Variants in TAFA5 observed in about 807,000 individuals in gnomAD.
TAFA5 encodes the protein chemokine-like protein TAFA-5.
Under a neutral mutation model 15.3 loss-of-function variants are expected in TAFA5, and 6 were observed. The observed-to-expected ratio is 0.39, with a 90% CI of 0.21 to 0.77. The LOEUF is 0.77. TAFA5 is among the 30% of genes least tolerant of loss of function. TAFA5 has a pLI of 0.41. For missense variants in TAFA5, 161 were observed against 193.1 expected, an observed-to-expected ratio of 0.83 and a Z score of 0.98; for synonymous variants, 103 against 80.7, an observed-to-expected ratio of 1.28 and a Z score of -1.48.
intron 1 of TAFA5, among the ~76,000 whole-genome samples, chr22:48,645,947 T>TGC (rs1433054462): frequency 2.0e-5 from 3 of 151,188 alleles, no homozygotes; most frequent in Admixed American, 6.6e-5. Context: ...TGCACACACG[T>TGC]ACATGCACAT....
intron 3 of TAFA5, among the ~76,000 whole-genome samples, chr22:48,711,897 C>T (rs1035892285): frequency 3.9e-5 from 6 of 152,240 alleles, no homozygotes; most frequent in East Asian, 1.9e-4. Context: ...CTCTGTGTGG[C>T]GCCACCAGAG....
chr22:48,750,717 C>T lies in TAFA5; in HGVS notation c.*870C>T, dbSNP rs1930464524. 1 of 153,036 alleles carries T rather than the reference C, an allele frequency of 6.5e-6. No individual in the cohort carries two copies. The highest frequency in any genetic ancestry group is 2.4e-5 in the African/African-American group (1 of 41,462). 9.5% of individuals were successfully genotyped at this position (153,036 alleles called of 1,614,324 possible). A position where few individuals can be genotyped will look rare whatever the true frequency, so the allele number is the denominator to read the frequency against. On this transcript the variant is annotated 3_prime_UTR_variant, in exon 4 of 4. Transcript: ENST00000402357. ...TATCTGCCAAGAGCATGTTGGGTCT[C>T]CCGTGACTGCTGCCTCATCGATACC...
chr22:48,599,936 C>A (rs186568462), intron 1 of TAFA5, among the ~76,000 whole-genome samples: 1 of 152,262 alleles, frequency 6.6e-6, no homozygotes, highest in Admixed American at 6.5e-5. Flanking sequence ...GGCCGCTGGT[C>A]CAGCAGGAGC....
chr22:48,721,652 A>C (rs1929572695), intron 3 of TAFA5, among the ~76,000 whole-genome samples: 1 of 152,236 alleles, frequency 6.6e-6, no homozygotes. Flanking sequence ...AGATGAACTT[A>C]TTCCTTCCTG....
intron 3 of TAFA5, among the ~76,000 whole-genome samples, chr22:48,731,915 G>A (rs1256000036): frequency 1.3e-5 from 2 of 152,214 alleles, no homozygotes; most frequent in African/African-American, 4.8e-5. Flanking sequence ...CATAGATCAT[G>A]ATTCCTCTGA....
In TAFA5 at chr22:48,584,637, T is replaced by C. The variant is rs150152918; in HGVS notation, c.113-61960T>C. ...GCATGCACACACACCACTCACAAAA[T>C]ACATCACACATGCACCACACACACA... is the stretch of plus-strand genomic sequence containing the variant. On this transcript the variant is annotated intron_variant, in intron 1 of 3. Coordinates refer to ENST00000402357, the MANE Select transcript of TAFA5 (RefSeq NM_001082967.3). Among the ~76,000 whole-genome samples the C allele has an allele frequency of 8.1e-3, 1,029 of 126,900 alleles. 5 individuals are homozygous for C. The highest frequency in any genetic ancestry group is 0.011 in the Non-Finnish European group (670 of 60,384). 83.3% of individuals were successfully genotyped at this position (126,900 alleles called of 152,430 possible).
intron 1 of TAFA5, among the ~76,000 whole-genome samples, chr22:48,528,080 C>T (rs1921842862): frequency 6.6e-6 from 1 of 152,204 alleles, no homozygotes; most frequent in Non-Finnish European, 1.5e-5. Flanking sequence ...CCCCCCGGGG[C>T]CCCCCGGTGC....
intron 1 of TAFA5, among the ~76,000 whole-genome samples, chr22:48,524,633 T>C (rs1921717787): frequency 6.6e-6 from 1 of 152,190 alleles, no homozygotes; most frequent in African/African-American, 2.4e-5. Context: ...ACATTGGGCA[T>C]GGTTAGTTCT....
intron 1 of TAFA5, among the ~76,000 whole-genome samples, chr22:48,577,073 C>T (rs1337362486): frequency 6.6e-6 from 1 of 152,240 alleles, no homozygotes; most frequent in Non-Finnish European, 1.5e-5. Context: ...CCCAAGCCGC[C>T]TTCCAGAGAC....
intron 1 of TAFA5, among the ~76,000 whole-genome samples, chr22:48,601,292 A>G (rs967701034): frequency 2.6e-5 from 4 of 152,276 alleles, no homozygotes; most frequent in African/African-American, 9.6e-5. Context: ...ACCCTTGTAT[A>G]TGACGTGTGT....
chr22:48,580,466 C>G (rs976549086), intron 1 of TAFA5, among the ~76,000 whole-genome samples: 2 of 152,324 alleles, frequency 1.3e-5, no homozygotes, highest in African/African-American at 4.8e-5. Context: ...AAAATATTTG[C>G]TGAATGCGTA....
chr22:48,662,510 G>A (rs1927479052), intron 2 of TAFA5, among the ~76,000 whole-genome samples: 1 of 151,944 alleles, frequency 6.6e-6, no homozygotes, highest in South Asian at 2.1e-4. Context: ...CCCAGGCGGT[G>A]GGGCTCCAGT....
chr22:48,548,476 G>A (rs888078606), intron 1 of TAFA5, among the ~76,000 whole-genome samples: 1 of 152,210 alleles, frequency 6.6e-6, no homozygotes, highest in African/African-American at 2.4e-5. Context: ...AGTGCTGTTC[G>A]GGACCCTGGG....
At chr22:48,631,063 C>T (rs1483023440) in intron 1 of TAFA5, among the ~76,000 whole-genome samples, 1 of 152,302 alleles carries the variant, frequency 6.6e-6, no homozygotes, top group East Asian at 1.9e-4. Context: ...GTGTGGCTCC[C>T]CGCCCTGTCC....
At chr22:48,707,666 T>A in intron 2 of TAFA5, 51 bp from the exon 3 acceptor site, 1 of 1,595,558 alleles carries the variant, frequency 6.3e-7, no homozygotes, top group South Asian at 1.1e-5. Context: ...AGCAACACCC[T>A]CACGATCCAT....
chr22:48,508,815 T>A (rs1402778411), intron 1 of TAFA5, among the ~76,000 whole-genome samples: 1 of 151,854 alleles, frequency 6.6e-6, no homozygotes, highest in African/African-American at 2.4e-5. Flanking sequence ...TTTCTCTGTG[T>A]TGGGAACGCT....
Position 48,566,115 on chromosome 22 carries a change from TGATG to T in TAFA5, c.112+76424_112+76427del, listed in dbSNP as rs1018451536. 2.6e-5 allele frequency among the ~76,000 whole-genome samples: 4 copies of T among 151,460 alleles called. No individual in the cohort carries two copies. The highest frequency in any genetic ancestry group is 1.3e-4 in the Admixed American group (2 of 15,226). ...TGATAGGTGGATATGGATAGATAGA[TGATG>T]GATGGATGGATGATGAATGGATGAT... On this transcript the variant is annotated intron_variant, in intron 1 of 3. Coordinates refer to ENST00000402357, the MANE Select transcript of TAFA5 (RefSeq NM_001082967.3). This position sits in a 1 kb window ranked among gnomAD's most constrained non-coding sequence, Gnocchi z 4.5.
chr22:48,718,316 G>C (rs895449603), intron 3 of TAFA5, among the ~76,000 whole-genome samples: 2 of 152,180 alleles, frequency 1.3e-5, no homozygotes, highest in Non-Finnish European at 2.9e-5. Flanking sequence ...AGGAAGAAGG[G>C]GGATGCTGTA....
At chr22:48,709,234 G>A (rs541533622) in intron 3 of TAFA5, among the ~76,000 whole-genome samples, 10 of 152,318 alleles carry the variant, frequency 6.6e-5, no homozygotes, top group South Asian at 2.1e-4. Context: ...GATGAGGGAC[G>A]TGGGTTGCTC....
Sources: allele counts gnomAD v4.1 joint callset (sites outside exome capture counted in the v4.1 genomes callset), GRCh38; gene constraint gnomAD v4.1.1; non-coding constraint Gnocchi (gnomAD v3.1); transcripts MANE v1.5; gene names NCBI Gene and HGNC (gene_info 2026-07-23, HGNC 2026-07-21).